Variants in BCL2L12 observed in about 807,000 individuals in gnomAD.
The protein encoded by BCL2L12 is BCL2 like 12, also known as bcl-2-like protein 12.
In BCL2L12, 27 loss-of-function variants were observed where a neutral mutation model predicts 25.7. The ratio of observed to expected loss-of-function variants is 1.05; its 90% confidence interval spans 0.78 to 1.45. The LOEUF (loss-of-function observed/expected upper bound fraction) is 1.45, where lower values mean the gene tolerates loss of function less well. Among genes scored for constraint, BCL2L12 ranks in the 40% most tolerant of loss-of-function variants. The probability of loss-of-function intolerance (pLI) is 0.00; values close to 1 mark genes in which losing one functional copy is unlikely to be tolerated. For missense variants in BCL2L12, 302 were observed against 329.8 expected (o/e 0.92, Z 0.65); for synonymous variants, 132 against 145.6 (o/e 0.91, Z 0.67).
In BCL2L12 at chr19:49,670,419, C is replaced by A; in HGVS notation, c.633C>A (p.Gly211=). 1 of 1,541,948 alleles carries A rather than the reference C, an allele frequency of 6.5e-7. No homozygotes were observed. Among genetic ancestry groups the A allele is most frequent in the Non-Finnish European group, 8.7e-7 (1 of 1,147,642 alleles). Residue 211 remains glycine (G), a synonymous_variant, in exon 6 of 7, where the codon GGC becomes GGA. Transcript: ENST00000246784. ...ELSRRVAGLG[G]TLAGLSVEHV... is the part of the protein sequence containing the mutation. ...GCCGGCGCGTGGCCGGGCTGGGGGGCACCCTGGCCGGACTCAGCGTGGAGC... is the reference window on the plus strand; with the variant it reads ...GCCGGCGCGTGGCCGGGCTGGGGGGAACCCTGGCCGGACTCAGCGTGGAGC...
intron 3 of BCL2L12, 72 bp from the exon 4 acceptor site, chr19:49,668,779 T>C (rs939026094): frequency 1.4e-6 from 2 of 1,394,440 alleles, no homozygotes; most frequent in East Asian, 2.3e-5. Flanking sequence ...CCTGCCAAGG[T>C]AGTTGGGGGA....
intron 3 of BCL2L12, 97 bp from the exon 4 acceptor site, chr19:49,668,754 T>TGG: frequency 8.7e-7 from 1 of 1,146,250 alleles, no homozygotes; most frequent in Non-Finnish European, 1.3e-6. Flanking sequence ...ATAAATAAAA[T>TGG]GGGAATCATT....
chr19:49,671,113 G>C (rs2081953466), intron 6 of BCL2L12, among the ~76,000 whole-genome samples: 1 of 152,080 alleles, frequency 6.6e-6, no homozygotes, highest in Admixed American at 6.6e-5. Flanking sequence ...AGTGAGCTGA[G>C]ATCATGCCAC....
At chr19:49,670,521 A>C in intron 6 of BCL2L12, 33 bp downstream of exon 6, 1 of 1,529,922 alleles carries the variant, frequency 6.5e-7, no homozygotes, top group South Asian at 1.2e-5. Flanking sequence ...TCCGGGCCTC[A>C]CTTTACCTAA....
At chr19:49,669,302 G>C (rs1229466350) in intron 5 of BCL2L12, 187 bp downstream of exon 5, 1 of 1,159,358 alleles carries the variant, frequency 8.6e-7, no homozygotes, top group Non-Finnish European at 1.2e-6. Flanking sequence ...TTGGGAGGCC[G>C]AGTTGGGTGG....
At chr19:49,670,533 T>G in intron 6 of BCL2L12, 45 bp downstream of exon 6, 1 of 1,522,390 alleles carries the variant, frequency 6.6e-7, no homozygotes, top group Non-Finnish European at 8.8e-7. Context: ...TTTACCTAAC[T>G]GTCATGTGAT....
upstream of BCL2L12, chr19:49,665,883 G>C (rs1186889913): frequency 6.2e-7 from 1 of 1,612,406 alleles, no homozygotes; most frequent in African/African-American, 1.3e-5. Context: ...TCCGGCCAGA[G>C]GCATGCTGGG....
In BCL2L12 at chr19:49,668,885, C is replaced by T; in HGVS notation, c.285C>T (p.Ala95=). The T allele has an allele frequency of 1.2e-6, 2 of 1,613,504 alleles. No individual in the cohort carries two copies. The highest frequency in any genetic ancestry group is 1.7e-6 in the Non-Finnish European group (2 of 1,179,970). ...CTCCAGACTTCTATGCTTTGGTGGCCCAGCGGCTGGAACAGCTGGTCCAAG... is the reference window on the plus strand; with the variant it reads ...CTCCAGACTTCTATGCTTTGGTGGCTCAGCGGCTGGAACAGCTGGTCCAAG... The part of the protein sequence containing the change: ...PATPDFYALV[A]QRLEQLVQEQ... Residue 95 remains alanine, a synonymous_variant, in exon 4 of 7, where the codon GCC becomes GCT. Coordinates refer to ENST00000246784, the MANE Select transcript of BCL2L12 (RefSeq NM_138639.2).
At chr19:49,665,836 G>T (rs1226742962), upstream of BCL2L12, 14 of 1,596,684 alleles carry the variant, frequency 8.8e-6, no homozygotes, top group Non-Finnish European at 1.2e-5. Flanking sequence ...GGGACGGCCC[G>T]CTGGGCTGTT....
intron 3 of BCL2L12, 32 bp downstream of exon 3, chr19:49,667,193 G>A (rs761215468): frequency 3.1e-6 from 5 of 1,604,084 alleles, no homozygotes; most frequent in East Asian, 2.2e-5. Context: ...CTATGAAGCC[G>A]GCAGAACACG....
rs34075534 is a variant in BCL2L12, at chr19:49,669,680, G to C, written c.430-536G>C. On this transcript the variant is annotated intron_variant, in intron 5 of 6. Transcript: ENST00000246784. ...TGGCCATCAGAAACATTATCCACAA[G>C]AGACTGGCCAAGCTGGGGAAGTAAG... 3.0e-3 allele frequency among the ~76,000 whole-genome samples: 456 copies of C among 152,078 alleles called. 3 individuals are homozygous for C. The highest frequency in any genetic ancestry group is 3.2e-3 in the Non-Finnish European group (215 of 67,970).
chr19:49,668,245 G>A (rs1177052560), intron 3 of BCL2L12, among the ~76,000 whole-genome samples: 4 of 151,946 alleles, frequency 2.6e-5, no homozygotes, highest in Non-Finnish European at 5.9e-5. Context: ...ATAGGCATGC[G>A]CCACCATGCC....
rs1293457953 is a variant in BCL2L12 at position 49,672,716 on chromosome 19, G to A, written c.703-982G>A. Among the ~76,000 whole-genome samples, 1 of 151,242 alleles carries A rather than the reference G, an allele frequency of 6.6e-6. No homozygotes were observed. Among genetic ancestry groups the A allele is most frequent in the Non-Finnish European group, 1.5e-5 (1 of 67,880 alleles). On this transcript the variant is annotated intron_variant, in intron 6 of 6. Coordinates refer to ENST00000246784, the MANE Select transcript of BCL2L12 (RefSeq NM_138639.2). This position sits in a 1 kb window ranked among gnomAD's most constrained non-coding sequence, Gnocchi z 4.1. ...GAGCAGCTGCAGGGCGACATCTTAA[G>A]TTCCCCGAGATGGGGAAGGTGTGGG...
chr19:49,671,046 C>T (rs2081952212), intron 6 of BCL2L12, among the ~76,000 whole-genome samples: 1 of 152,130 alleles, frequency 6.6e-6, no homozygotes, highest in Admixed American at 6.6e-5. Context: ...CCTGTAATCC[C>T]AGCTACCGAG....
At chr19:49,669,204 T>G (rs924437178) in intron 5 of BCL2L12, 89 bp downstream of exon 5, 1 of 1,545,596 alleles carries the variant, frequency 6.5e-7, no homozygotes, top group Non-Finnish European at 8.7e-7. Context: ...GTATTTTCTT[T>G]GGATGGTCAG....
At chr19:49,668,365 A>G (rs1368488292) in intron 3 of BCL2L12, among the ~76,000 whole-genome samples, 2 of 151,276 alleles carry the variant, frequency 1.3e-5, no homozygotes, top group Admixed American at 6.6e-5. Flanking sequence ...TCCCAAAGTG[A>G]TGGGATTACA....
At chr19:49,673,637 C>T (rs982797312) in intron 6 of BCL2L12, 61 bp from the exon 7 acceptor site, 32 of 1,381,316 alleles carry the variant, frequency 2.3e-5, no homozygotes, top group African/African-American at 1.3e-4. Context: ...CTGATGTGGA[C>T]GCTGCTGTAT....
intron 3 of BCL2L12, 24 bp from the exon 4 acceptor site, chr19:49,668,827 T>C: frequency 6.2e-7 from 1 of 1,600,610 alleles, no homozygotes; most frequent in Non-Finnish European, 8.5e-7. Flanking sequence ...CCTGGAAACC[T>C]GTCATTAACT....
chr19:49,665,950 G>A lies in BCL2L12; in HGVS notation c.-126G>A. On this transcript the variant is annotated 5_prime_UTR_variant, in exon 1 of 7. Coordinates refer to ENST00000246784, the MANE Select transcript of BCL2L12 (RefSeq NM_138639.2). The stretch of plus-strand genomic sequence containing the variant: ...CGTTCCGCCCTTTCTACGCTGGGCC[G>A]GTTATCGACCCGGCCCAGTGCGCAG... 6.2e-7 allele frequency: 1 copy of A among 1,613,634 alleles called. No homozygotes were observed.
Sources: gnomAD v4.1 joint callset for allele counts (sites outside exome capture counted in the v4.1 genomes callset) on GRCh38, gnomAD v4.1.1 for gene constraint, Gnocchi (gnomAD v3.1) non-coding constraint, MANE v1.5 for transcripts, NCBI Gene and HGNC (gene_info 2026-07-23, HGNC 2026-07-21) for gene names.